Variants in LRRC27 observed in about 807,000 individuals in gnomAD.
The protein encoded by LRRC27 is leucine rich repeat containing 27.
LRRC27 carries 57 observed loss-of-function variants against 55.0 expected under a neutral mutation model. That is an observed-to-expected ratio of 1.04 (90% CI 0.84 to 1.29). The LOEUF (loss-of-function observed/expected upper bound fraction) is 1.29. Ranked by LOEUF, LRRC27 falls within the 50% of genes most tolerant of loss-of-function variation. LRRC27 has a pLI of 0.00. For synonymous variants in LRRC27, 278 were observed against 251.9 expected, an observed-to-expected ratio of 1.10 and a Z score of -0.98; for missense variants, 721 against 651.5, an observed-to-expected ratio of 1.11 and a Z score of -1.16.
In LRRC27 at chr10:132,374,555, TCTC is replaced by T. The variant is rs1173844484; in HGVS notation, c.1417-508_1417-506del. Reference sequence around the variant, plus strand: ...CTGGTTTCACGCTCAGCAAGTTCCTTCTCCTGTAGGAACCCCTGATCCACAGCT... The same window carrying T: ...CTGGTTTCACGCTCAGCAAGTTCCTTCTGTAGGAACCCCTGATCCACAGCT... On this transcript the variant is annotated intron_variant, in intron 10 of 10. Transcript: ENST00000368614. This position sits in a 1 kb window ranked among gnomAD's most constrained non-coding sequence, Gnocchi z 4.4. 2.6e-5 allele frequency among the ~76,000 whole-genome samples: 4 copies of T among 152,188 alleles called. No homozygotes were observed. Among genetic ancestry groups the T allele is most frequent in the African/African-American group, 9.6e-5 (4 of 41,454 alleles).
chr10:132,339,925 G>A (rs1397846632), intron 3 of LRRC27, among the ~76,000 whole-genome samples: 1 of 152,176 alleles, frequency 6.6e-6, no homozygotes, highest in African/African-American at 2.4e-5. Context: ...TTTGTGATTT[G>A]TAACCCATGA....
At chr10:132,330,510 T>C, upstream of LRRC27, 2 of 716,768 alleles carry the variant, frequency 2.8e-6, no homozygotes, top group Admixed American at 2.0e-5. Context: ...GTTGGGTATG[T>C]ACGAAAACTT....
At position 132,372,762 on chromosome 10, in the gene LRRC27, G is replaced by A. The variant is rs375374805; in HGVS notation, c.1417-2304G>A. On this transcript the variant is annotated intron_variant, in intron 10 of 10. Transcript: ENST00000368614. This position sits in a 1 kb window ranked among gnomAD's most constrained non-coding sequence, Gnocchi z 4.0. ...CCTAAAGAGACCTGCAGAAGGTCAG[G>A]TGCACAACCGACCAGGAGGGCTGGC... 2.0e-5 allele frequency among the ~76,000 whole-genome samples: 3 copies of A among 152,284 alleles called. No individual in the cohort carries two copies. The highest frequency in any genetic ancestry group is 3.9e-4 in the East Asian group (2 of 5,178).
chr10:132,343,506 A>C (rs922904706), intron 4 of LRRC27, among the ~76,000 whole-genome samples: 40 of 152,342 alleles, frequency 2.6e-4, no homozygotes, highest in South Asian at 8.3e-4. Context: ...GGTGTGTTTG[A>C]AGACTAAAAA....
Position 132,348,471 on chromosome 10 carries a change from C to A in LRRC27, c.926+115C>A. 7.1e-7 allele frequency: 1 copy of A among 1,399,048 alleles called. No individual in the cohort carries two copies. The highest frequency in any genetic ancestry group is 9.7e-7 in the Non-Finnish European group (1 of 1,026,862). 86.7% of individuals were successfully genotyped at this position (1,399,048 alleles called of 1,614,324 possible). On this transcript the variant is annotated intron_variant, in intron 6 of 10. Coordinates refer to ENST00000368614, the MANE Select transcript of LRRC27 (RefSeq NM_030626.3). The surrounding 1 kb of genome is among the most constrained non-coding windows in gnomAD (Gnocchi z 4.2). ...TTTAAAGTGTCCTCCACGTTGCCAC[C>A]GTTTACTGTGCAGTGAGTGCCGGTC...
Position 132,378,498 on chromosome 10 carries a change from T to A in LRRC27, c.*3256T>A, listed in dbSNP as rs1273633430. The A allele has an allele frequency of 2.0e-5, 3 of 152,102 alleles. No homozygotes were observed. Among genetic ancestry groups the A allele is most frequent in the African/African-American group, 7.2e-5 (3 of 41,390 alleles). 9.4% of individuals were successfully genotyped at this position (152,102 alleles called of 1,614,324 possible). A position where few individuals can be genotyped will look rare whatever the true frequency, so the allele number is the denominator to read the frequency against. On this transcript the variant is annotated 3_prime_UTR_variant, in exon 11 of 11. Transcript: ENST00000368614. ...GTGTGTATGCATTCGTGCGTACGAG[T>A]GTGTGCATGTGTGCGCCCGTGTGTA...
chr10:132,343,697 C>G (rs1023006412), intron 4 of LRRC27, among the ~76,000 whole-genome samples: 2 of 152,226 alleles, frequency 1.3e-5, no homozygotes, highest in African/African-American at 4.8e-5. Flanking sequence ...AATACTTAAC[C>G]TACATGTGAA....
intron 5 of LRRC27, among the ~76,000 whole-genome samples, chr10:132,347,741 T>C (rs1590644492): frequency 6.6e-6 from 1 of 152,088 alleles, no homozygotes; most frequent in South Asian, 2.1e-4. Flanking sequence ...AGAGTCCAGG[T>C]GTGCTTCTGG....
chr10:132,351,475 C>A, intron 6 of LRRC27, 132 bp from the exon 7 acceptor site: 1 of 997,250 alleles, frequency 1.0e-6, no homozygotes, highest in Non-Finnish European at 1.5e-6. Context: ...GGGGTGACTG[C>A]AGCTTCTAGT....
chr10:132,347,289 T>C (rs958245811), intron 5 of LRRC27, among the ~76,000 whole-genome samples: 18 of 151,530 alleles, frequency 1.2e-4, no homozygotes, highest in African/African-American at 4.4e-4. Flanking sequence ...CGGTGGGGCC[T>C]GTGTGAGAGG....
At chr10:132,333,448 T>C in intron 1 of LRRC27, 29 bp from the exon 2 acceptor site, 1 of 1,132,944 alleles carries the variant, frequency 8.8e-7, no homozygotes, top group Non-Finnish European at 1.2e-6. Flanking sequence ...AATTAGTTGC[T>C]TCTACGTTTC....
chr10:132,337,166 G>C, intron 2 of LRRC27: 1 of 1,180,640 alleles, frequency 8.5e-7, no homozygotes, highest in South Asian at 2.1e-5. Context: ...CTGGCTATTT[G>C]CTCAGTAAGC....
chr10:132,378,521 G>C lies in LRRC27; in HGVS notation c.*3279G>C, dbSNP rs1373105877. ...AGTGTGTGCATGTGTGCGCCCGTGTGTATGTGCATATGTGAGTGTGTGTGG... is the reference window on the plus strand; with the variant it reads ...AGTGTGTGCATGTGTGCGCCCGTGTCTATGTGCATATGTGAGTGTGTGTGG... On this transcript the variant is annotated 3_prime_UTR_variant, in exon 11 of 11. Coordinates refer to ENST00000368614, the MANE Select transcript of LRRC27 (RefSeq NM_030626.3). 3 of 152,160 alleles carry C rather than the reference G, an allele frequency of 2.0e-5. No individual in the cohort carries two copies. Among genetic ancestry groups the C allele is most frequent in the Non-Finnish European group, 4.4e-5 (3 of 68,080 alleles). 9.4% of individuals were successfully genotyped at this position (152,160 alleles called of 1,614,324 possible).
Position 132,375,258 on chromosome 10 carries a change from C to G in LRRC27, c.*16C>G, listed in dbSNP as rs2069319346. On this transcript the variant is annotated 3_prime_UTR_variant, in exon 11 of 11. Transcript: ENST00000368614. ...ATACCAGTGACACCAGGTGGCTGGA[C>G]TGATGGAGACGTCTTCAGACAGGAG... 1.9e-6 allele frequency: 3 copies of G among 1,604,100 alleles called. No individual in the cohort carries two copies. In the East Asian group the frequency reaches 6.7e-5, roughly 36 times the overall value.
intron 8 of LRRC27, among the ~76,000 whole-genome samples, chr10:132,359,790 C>T (rs1051245610): frequency 3.3e-5 from 5 of 152,246 alleles, no homozygotes; most frequent in African/African-American, 1.2e-4. Flanking sequence ...CACTCTGAAA[C>T]CAGCCATGAC....
chr10:132,334,278 G>A (rs1241002564), intron 2 of LRRC27, among the ~76,000 whole-genome samples: 1 of 152,220 alleles, frequency 6.6e-6, no homozygotes, highest in Non-Finnish European at 1.5e-5. Flanking sequence ...GGGACTCACA[G>A]AATTTCCTTA....
Position 132,375,396 on chromosome 10 carries a change from T to C in LRRC27, c.*154T>C. On this transcript the variant is annotated 3_prime_UTR_variant, in exon 11 of 11. Coordinates refer to ENST00000368614, the MANE Select transcript of LRRC27 (RefSeq NM_030626.3). ...CAGCCTGTTGTTTTCCTTAGACAGG[T>C]CCACGTCCCTCTCCTGAGGCTGTGG... The C allele has an allele frequency of 1.6e-6, 1 of 617,164 alleles. No homozygotes were observed. Among genetic ancestry groups the C allele is most frequent in the Non-Finnish European group, 2.8e-6 (1 of 361,806 alleles). The allele number at this position is 617,164 out of a possible 1,614,324, so 38.2% of individuals were successfully genotyped here. A position where few individuals can be genotyped will look rare whatever the true frequency, so the allele number is the denominator to read the frequency against.
Position 132,355,895 on chromosome 10 carries a change from C to T in LRRC27, c.1170+9C>T, listed in dbSNP as rs374107741. 2.7e-5 allele frequency: 42 copies of T among 1,548,688 alleles called. No individual in the cohort carries two copies. In the Admixed American group the frequency reaches 3.3e-4, roughly 12 times the overall value. ...CTCCGCGGAGGAGCATGGTACGGCA[C>T]GCGCGGGCGGTGACCGGGCACTAGT... On this transcript the variant is annotated intron_variant, in intron 8 of 10. Transcript: ENST00000368614.
At chr10:132,330,442 C>T, upstream of LRRC27, 1 of 717,224 alleles carries the variant, frequency 1.4e-6, no homozygotes. Context: ...GGGTGGCTGG[C>T]CTCCCCACGC....
Sources: allele counts gnomAD v4.1 joint callset (sites outside exome capture counted in the v4.1 genomes callset), GRCh38; gene constraint gnomAD v4.1.1; non-coding constraint Gnocchi (gnomAD v3.1); transcripts MANE v1.5; gene names NCBI Gene and HGNC (gene_info 2026-07-23, HGNC 2026-07-21).